C6: variants seen among roughly 807,000 people sequenced by gnomAD.
C6 encodes complement component C6.
C6 carries 101 observed loss-of-function variants against 112.9 expected under a neutral mutation model. That is an observed-to-expected ratio of 0.89 (90% CI 0.76 to 1.06). The LOEUF is 1.06. Ranked by LOEUF, C6 falls within the 50% of genes least tolerant of loss-of-function variation. The pLI, the probability that C6 is intolerant of heterozygous loss-of-function variation, is 0.00. For missense variants in C6, 1,202 were observed against 1,104.6 expected (o/e 1.09, Z -1.25); for synonymous variants, 431 against 384.1 (o/e 1.12, Z -1.43).
At chr5:41,162,424 G>A (rs1747605187) in intron 9 of C6, among the ~76,000 whole-genome samples, 1 of 152,114 alleles carries the variant, frequency 6.6e-6, no homozygotes, top group Non-Finnish European at 1.5e-5. Flanking sequence ...AAAGACAGAG[G>A]TGAAAGCACA....
At chr5:41,230,311 C>T (rs1280573503) in intron 1 of C6, among the ~76,000 whole-genome samples, 1 of 152,008 alleles carries the variant, frequency 6.6e-6, no homozygotes, top group East Asian at 1.9e-4. Flanking sequence ...TATAAACAGA[C>T]GTGCAAGTAG....
intron 1 of C6, among the ~76,000 whole-genome samples, chr5:41,207,645 T>C (rs1339766328): frequency 6.6e-6 from 1 of 152,146 alleles, no homozygotes; most frequent in African/African-American, 2.4e-5. Context: ...CATTACATAA[T>C]GGTAAAGGGA....
intron 5 of C6, among the ~76,000 whole-genome samples, chr5:41,191,800 T>G (rs1750237551): frequency 6.6e-6 from 1 of 152,022 alleles, no homozygotes. Flanking sequence ...GGCCTTTTTT[T>G]TTTTGGTGGA....
chr5:41,241,476 G>A (rs942846291), intron 1 of C6, among the ~76,000 whole-genome samples: 1 of 152,202 alleles, frequency 6.6e-6, no homozygotes, highest in East Asian at 1.9e-4. Context: ...ACATTGAACT[G>A]TGATTCCCTG....
intron 1 of C6, among the ~76,000 whole-genome samples, chr5:41,226,313 A>C (rs1467755134): frequency 6.6e-6 from 1 of 152,222 alleles, no homozygotes; most frequent in Non-Finnish European, 1.5e-5. Context: ...GACACTTCTC[A>C]AAAGAAGACA....
At position 41,160,382 on chromosome 5, in the gene C6, G is replaced by T. The variant is rs1242468270; in HGVS notation, c.1459-15C>A. The T allele has an allele frequency of 1.9e-6, 3 of 1,592,888 alleles. No homozygotes were observed. In the South Asian group the frequency reaches 3.3e-5, roughly 18 times the overall value. On this transcript the variant is annotated splice_polypyrimidine_tract_variant and intron_variant, in intron 10 of 17. Transcript: ENST00000337836. ...ATGGGGGCAAGCTAGGAGAAAATGG[G>T]AGAGAGGAGGTCCAGTCACATCCCC...
At chr5:41,209,729 A>G (rs1042577617) in intron 1 of C6, among the ~76,000 whole-genome samples, 5 of 152,242 alleles carry the variant, frequency 3.3e-5, no homozygotes, top group African/African-American at 9.6e-5. Context: ...ACACAAACAA[A>G]TGGAAGAACA....
intron 1 of C6, among the ~76,000 whole-genome samples, chr5:41,227,216 G>T (rs1002149293): frequency 6.6e-6 from 1 of 151,970 alleles, no homozygotes; most frequent in Non-Finnish European, 1.5e-5. Context: ...AGTGATGTTG[G>T]GCAGTTTTTC....
chr5:41,197,101 T>C (rs1379300835), intron 4 of C6, among the ~76,000 whole-genome samples: 1 of 152,126 alleles, frequency 6.6e-6, no homozygotes, highest in Non-Finnish European at 1.5e-5. Context: ...CTTGGGAAAA[T>C]TGGGCATTCT....
intron 17 of C6, 97 bp from the exon 18 acceptor site, chr5:41,143,103 G>A (rs1745500981): frequency 9.4e-7 from 1 of 1,058,704 alleles, no homozygotes; most frequent in African/African-American, 1.6e-5. Context: ...CCTTGATGGT[G>A]TTAAATTAAG....
At chr5:41,234,295 C>T (rs771678428) in intron 1 of C6, among the ~76,000 whole-genome samples, 17 of 150,930 alleles carry the variant, frequency 1.1e-4, no homozygotes, top group Non-Finnish European at 2.2e-4. Context: ...TGGGAAAATC[C>T]TAGAATATTC....
At chr5:41,150,136 G>T (rs985893234) in intron 15 of C6, 111 bp from the exon 16 acceptor site, 19 of 754,012 alleles carry the variant, frequency 2.5e-5, no homozygotes, top group Non-Finnish European at 4.0e-5. Context: ...ATCTCTTGGA[G>T]TTAGATCATT....
chr5:41,149,467 A>G lies in C6; in HGVS notation c.2397T>C (p.Asp799=). 2 of 1,614,032 alleles carry G rather than the reference A, an allele frequency of 1.2e-6. No individual in the cohort carries two copies. Among genetic ancestry groups the G allele is most frequent in the Non-Finnish European group, 1.7e-6 (2 of 1,179,946 alleles). Residue 799 remains aspartate (D), a synonymous_variant, in exon 17 of 18, where the codon GAT becomes GAC. Coordinates refer to ENST00000337836, the MANE Select transcript of C6 (RefSeq NM_000065.5). ...TGGAGTCTGTGTCAAACACACAGAG[A>G]TCTTCTGAATGATGGCTGCCCAAGA... ...PEEDCSHHSE[D]LCVFDTDSND...
intron 1 of C6, among the ~76,000 whole-genome samples, chr5:41,222,523 G>A (rs1256179202): frequency 6.6e-6 from 1 of 151,990 alleles, no homozygotes; most frequent in Non-Finnish European, 1.5e-5. Context: ...AGGAAGGAAT[G>A]AACAATTACA....
At chr5:41,204,665 T>C (rs1751286938) in intron 1 of C6, among the ~76,000 whole-genome samples, 1 of 148,074 alleles carries the variant, frequency 6.8e-6, no homozygotes, top group African/African-American at 2.6e-5. Flanking sequence ...TAAGCTTTTT[T>C]TTTTCTTTTT....
At chr5:41,231,557 T>C (rs533318263) in intron 1 of C6, among the ~76,000 whole-genome samples, 1 of 152,294 alleles carries the variant, frequency 6.6e-6, no homozygotes, top group Non-Finnish European at 1.5e-5. Flanking sequence ...GCTAATATGC[T>C]GTTACAACCA....
At chr5:41,196,184 A>G (rs140819440) in intron 4 of C6, among the ~76,000 whole-genome samples, 17 of 152,184 alleles carry the variant, frequency 1.1e-4, no homozygotes, top group South Asian at 4.1e-4. Context: ...ATCCTAGAAT[A>G]TAATTCCCAT....
At chr5:41,227,721 A>G (rs1259357297) in intron 1 of C6, among the ~76,000 whole-genome samples, 1 of 148,336 alleles carries the variant, frequency 6.7e-6, no homozygotes, top group Non-Finnish European at 1.5e-5. Flanking sequence ...TACTTATTTA[A>G]GAGACTGTCC....
chr5:41,186,907 T>C (rs536476453), intron 5 of C6, among the ~76,000 whole-genome samples: 1 of 151,920 alleles, frequency 6.6e-6, no homozygotes, highest in African/African-American at 2.4e-5. Flanking sequence ...AAGAGGTTAT[T>C]TTGTTATAGA....
Sources: gnomAD v4.1 joint callset for allele counts (sites outside exome capture counted in the v4.1 genomes callset) on GRCh38, gnomAD v4.1.1 for gene constraint, MANE v1.5 for transcripts, NCBI Gene and HGNC (gene_info 2026-07-23, HGNC 2026-07-21) for gene names.